The following FERRY3 variants were observed in gnomAD, a reference collection of about 807,000 sequenced individuals.
FERRY3 encodes FERRY endosomal RAB5 effector complex subunit 3, also known as protein C12orf4.
chr12:4,518,044 T>A, the FERRY3 span: 1 of 1,584,764 alleles, frequency 6.3e-7, no homozygotes, highest in South Asian at 1.1e-5. Flanking sequence ...TAAATGTGTA[T>A]GATGTTAACT....
chr12:4,536,119 A>G, the FERRY3 span: 1 of 1,607,830 alleles, frequency 6.2e-7, no homozygotes, highest in African/African-American at 1.3e-5. Flanking sequence ...CTCAGTTCTA[A>G]GCACTGACTT....
the FERRY3 span, among the ~76,000 whole-genome samples, chr12:4,517,374 T>G: frequency 6.6e-6 from 1 of 152,162 alleles, no homozygotes; most frequent in Non-Finnish European, 1.5e-5. Context: ...GATTAGAGAC[T>G]TAACCTCTCT....
the FERRY3 span, among the ~76,000 whole-genome samples, chr12:4,513,426 G>A: frequency 4.9e-4 from 74 of 150,944 alleles, no homozygotes; most frequent in South Asian, 2.5e-3. Flanking sequence ...AAAAGAGCCC[G>A]CATCGCCAAG....
the FERRY3 span, among the ~76,000 whole-genome samples, chr12:4,527,033 T>C: frequency 2.6e-5 from 4 of 152,116 alleles, no homozygotes; most frequent in Non-Finnish European, 4.4e-5. Flanking sequence ...ATAACTATTA[T>C]GGGTCAAATG....
At chr12:4,537,477 T>C in the FERRY3 span, among the ~76,000 whole-genome samples, 3 of 152,196 alleles carry the variant, frequency 2.0e-5, no homozygotes, top group Non-Finnish European at 2.9e-5. Flanking sequence ...TAATAAATAA[T>C]TGTTGGATTG....
the FERRY3 span, among the ~76,000 whole-genome samples, chr12:4,521,414 GA>G: frequency 6.6e-6 from 1 of 151,704 alleles, no homozygotes. Context: ...AGAAAAGCAA[GA>G]AAAAAACCCA....
the FERRY3 span, among the ~76,000 whole-genome samples, chr12:4,531,534 C>T: frequency 6.6e-6 from 1 of 152,150 alleles, no homozygotes; most frequent in Non-Finnish European, 1.5e-5. Context: ...TTTTCCTTGA[C>T]CTAATTTACG....
the FERRY3 span, chr12:4,518,887 G>T: frequency 5.3e-6 from 8 of 1,519,386 alleles, no homozygotes; most frequent in Non-Finnish European, 7.1e-6. Context: ...CTCACTAAAA[G>T]TAATAAAATT....
the FERRY3 span, among the ~76,000 whole-genome samples, chr12:4,517,399 T>A: frequency 6.6e-6 from 1 of 151,946 alleles, no homozygotes; most frequent in Admixed American, 6.6e-5. Context: ...CTCAAAAGAG[T>A]TAATTATATT....
At chr12:4,523,802 C>CAGAGGTTCTGAATAGGGAGA in the FERRY3 span, among the ~76,000 whole-genome samples, 1 of 152,032 alleles carries the variant, frequency 6.6e-6, no homozygotes. Context: ...CACACCAGGA[C>CAGAGGTTCTGAATAGGGAGA]CCGTCGTGGG....
chr12:4,530,110 A>G, the FERRY3 span: 2 of 1,478,638 alleles, frequency 1.4e-6, no homozygotes, highest in South Asian at 2.5e-5. Context: ...TTAACACACT[A>G]CTAGAAAAGT....
At chr12:4,492,894 T>G in the FERRY3 span, among the ~76,000 whole-genome samples, 1 of 152,226 alleles carries the variant, frequency 6.6e-6, no homozygotes, top group Admixed American at 6.5e-5. Context: ...CCAAAGCTAC[T>G]TTAAGCTTCT....
the FERRY3 span, among the ~76,000 whole-genome samples, chr12:4,499,477 A>G: frequency 6.6e-6 from 1 of 152,210 alleles, no homozygotes; most frequent in Non-Finnish European, 1.5e-5. Context: ...TATTTCTACA[A>G]TGTATGCCTT....
At chr12:4,530,034 G>T in the FERRY3 span, 1 of 1,612,372 alleles carries the variant, frequency 6.2e-7, no homozygotes, top group Non-Finnish European at 8.5e-7. Flanking sequence ...TTCAGGCCTT[G>T]CATGCTCTAA....
the FERRY3 span, chr12:4,534,182 C>A: frequency 6.2e-7 from 1 of 1,610,222 alleles, no homozygotes; most frequent in Non-Finnish European, 8.5e-7. Flanking sequence ...GGCCCATGTA[C>A]TCGCCAGCTG....
At chr12:4,525,346 T>C in the FERRY3 span, 36 of 1,613,476 alleles carry the variant, frequency 2.2e-5, no homozygotes, top group Middle Eastern at 1.6e-4. Context: ...TTGATTGTTT[T>C]AATTCATTCG....
the FERRY3 span, among the ~76,000 whole-genome samples, chr12:4,513,732 T>C: frequency 3.9e-5 from 6 of 152,072 alleles, no homozygotes; most frequent in Non-Finnish European, 5.9e-5. Flanking sequence ...ACACCTTATA[T>C]AAAAATCAAT....
At chr12:4,498,629 C>T in the FERRY3 span, among the ~76,000 whole-genome samples, 10 of 152,238 alleles carry the variant, frequency 6.6e-5, no homozygotes, top group Admixed American at 3.3e-4. Context: ...CACCCTGTCT[C>T]GGAAGGACAA....
chr12:4,500,448 G>T, the FERRY3 span: 2 of 909,916 alleles, frequency 2.2e-6, no homozygotes, highest in Non-Finnish European at 3.4e-6. Flanking sequence ...GAACTAGTAG[G>T]GGTGTATCCC....
Sources: allele counts gnomAD v4.1 joint callset (sites outside exome capture counted in the v4.1 genomes callset), GRCh38; gene constraint gnomAD v4.1.1; transcripts MANE v1.5; gene names NCBI Gene and HGNC (gene_info 2026-07-23, HGNC 2026-07-21).